Variants in LDAH observed in about 807,000 individuals in gnomAD.
LDAH encodes the protein lipid droplet-associated hydrolase.
In LDAH, 26 loss-of-function variants were observed where a neutral mutation model predicts 29.6. The ratio of observed to expected loss-of-function variants is 0.88; its 90% CI spans 0.64 to 1.22. The LOEUF is 1.22. Ranked by LOEUF, LDAH falls within the 50% of genes most tolerant of loss-of-function variation. The pLI is 0.00. For synonymous variants in LDAH, 117 were observed against 133.0 expected (o/e 0.88, Z 0.83); for missense variants, 344 against 387.3 (o/e 0.89, Z 0.94).
chr2:20,697,518 C>T (rs1347572478), intron 6 of LDAH, among the ~76,000 whole-genome samples: 3 of 152,190 alleles, frequency 2.0e-5, no homozygotes, highest in Admixed American at 6.5e-5. Flanking sequence ...TCATAGCTGG[C>T]ATACATTCTG....
chr2:20,818,084 A>G (rs1444497099), intron 1 of LDAH, among the ~76,000 whole-genome samples: 1 of 152,142 alleles, frequency 6.6e-6, no homozygotes, highest in African/African-American at 2.4e-5. Context: ...TACACACACA[A>G]ATGAGTCCTT....
intron 6 of LDAH, among the ~76,000 whole-genome samples, chr2:20,690,226 G>C (rs1270657410): frequency 1.3e-5 from 2 of 152,190 alleles, no homozygotes; most frequent in Non-Finnish European, 2.9e-5. Context: ...GGTATCAAGA[G>C]ACAAATATGT....
chr2:20,768,845 C>T (rs1317333988), intron 4 of LDAH, among the ~76,000 whole-genome samples: 1 of 152,218 alleles, frequency 6.6e-6, no homozygotes, highest in Non-Finnish European at 1.5e-5. Flanking sequence ...GACTAGTAAA[C>T]TTTCCTGTCA....
intron 5 of LDAH, among the ~76,000 whole-genome samples, chr2:20,738,504 T>C (rs1258740047): frequency 1.3e-5 from 2 of 152,066 alleles, no homozygotes; most frequent in African/African-American, 4.8e-5. Context: ...CACTGCAGAC[T>C]CACCCTGAAT....
At chr2:20,810,065 T>A (rs996320663) in intron 1 of LDAH, among the ~76,000 whole-genome samples, 7 of 152,358 alleles carry the variant, frequency 4.6e-5, no homozygotes, top group African/African-American at 1.7e-4. Flanking sequence ...ACTATGCTTA[T>A]GGATTCTGTG....
chr2:20,810,072 T>C (rs1672365878), intron 1 of LDAH, among the ~76,000 whole-genome samples: 1 of 152,254 alleles, frequency 6.6e-6, no homozygotes, highest in East Asian at 1.9e-4. Flanking sequence ...TTATGGATTC[T>C]GTGGGTCAGG....
rs181682926 is a variant in LDAH at position 20,750,246 on chromosome 2, G to A, written c.469-10041C>T. Among the ~76,000 whole-genome samples the A allele has an allele frequency of 1.1e-3, 166 of 152,110 alleles. 1 individual carries two copies. Among genetic ancestry groups the A allele is most frequent in the African/African-American group, 3.5e-3 (146 of 41,520 alleles). The stretch of plus-strand genomic sequence containing the variant: ...TCACCACATAGGCTAGGCTGGTTTC[G>A]AACTCCTGACCTCAGGTGATCCACC... On this transcript the variant is annotated intron_variant, in intron 4 of 6. Transcript: ENST00000237822.
intron 1 of LDAH, among the ~76,000 whole-genome samples, chr2:20,815,479 A>G (rs908426371): frequency 2.0e-5 from 3 of 152,174 alleles, no homozygotes; most frequent in African/African-American, 7.2e-5. Flanking sequence ...AAGATACATC[A>G]TAAGTCAAGT....
chr2:20,716,720 G>GTATCTATATATATATATATA (rs1665222713), intron 5 of LDAH, among the ~76,000 whole-genome samples: 1 of 131,294 alleles, frequency 7.6e-6, no homozygotes, highest in Non-Finnish European at 1.7e-5. Context: ...AGAACTTTAA[G>GTATCTATATATATATATATA]TATATATACA....
intron 2 of LDAH, among the ~76,000 whole-genome samples, chr2:20,794,647 C>T (rs1477880023): frequency 1.3e-5 from 2 of 152,110 alleles, no homozygotes; most frequent in East Asian, 1.9e-4. Flanking sequence ...AAAAACCATA[C>T]GATCCTCAAC....
intron 5 of LDAH, among the ~76,000 whole-genome samples, chr2:20,729,069 C>A (rs1666216577): frequency 6.6e-6 from 1 of 152,170 alleles, no homozygotes; most frequent in Non-Finnish European, 1.5e-5. Context: ...CTTCAAGCAA[C>A]AATGTAGTAT....
intron 4 of LDAH, among the ~76,000 whole-genome samples, chr2:20,751,786 C>T (rs763728615): frequency 1.5e-4 from 23 of 152,048 alleles, no homozygotes; most frequent in Non-Finnish European, 2.5e-4. Context: ...AAGAATCAGA[C>T]GAAATTGTAA....
chr2:20,695,454 CTT>C (rs558163112), intron 6 of LDAH, among the ~76,000 whole-genome samples: 17 of 124,644 alleles, frequency 1.4e-4, no homozygotes, highest in Admixed American at 2.3e-4. Context: ...GACACTCTTT[CTT>C]TTTTTTTTTT....
In LDAH at chr2:20,774,810, C is replaced by T. The variant is rs142736664; in HGVS notation, c.468G>A (p.Pro156=). The change falls in exon 4 of 7, where the codon CCG becomes CCA. Residue 156 remains proline, a splice_region_variant and synonymous_variant. Transcript: ENST00000237822. ...LQMLKRVPEL[P]VIRAFLLFPT... Reference sequence around the variant, plus strand: ...CAGTTACCTCTGGAGACCTACTTACCGGGAGCTCAGGGACTCGCTTCAGCA... The same window carrying T: ...CAGTTACCTCTGGAGACCTACTTACTGGGAGCTCAGGGACTCGCTTCAGCA... 80 of 1,612,414 alleles carry T rather than the reference C, an allele frequency of 5.0e-5. No individual in the cohort carries two copies. In the East Asian group the frequency reaches 5.6e-4, roughly 11 times the overall value.
At chr2:20,690,032 G>A (rs538472896) in intron 6 of LDAH, among the ~76,000 whole-genome samples, 12 of 152,348 alleles carry the variant, frequency 7.9e-5, no homozygotes, top group Admixed American at 6.5e-4. Flanking sequence ...TTCAAAGACT[G>A]TTTCCATGAA....
intron 1 of LDAH, among the ~76,000 whole-genome samples, chr2:20,808,521 G>A (rs566724915): frequency 1.0e-3 from 155 of 152,120 alleles, no homozygotes; most frequent in Non-Finnish European, 1.7e-3. Context: ...AAAATTAGCC[G>A]GGCGTGGTGG....
chr2:20,718,628 G>A (rs1305403736), intron 5 of LDAH, among the ~76,000 whole-genome samples: 1 of 152,048 alleles, frequency 6.6e-6, no homozygotes, highest in Non-Finnish European at 1.5e-5. Flanking sequence ...AATTAACAAA[G>A]AAACATTGCA....
At chr2:20,709,481 C>T (rs1664543823) in intron 5 of LDAH, among the ~76,000 whole-genome samples, 1 of 141,604 alleles carries the variant, frequency 7.1e-6, no homozygotes, top group Non-Finnish European at 1.6e-5. Flanking sequence ...ACTAGGATGG[C>T]TATAATAAAA....
intron 3 of LDAH, among the ~76,000 whole-genome samples, chr2:20,776,323 C>T (rs1162674955): frequency 6.6e-6 from 1 of 152,034 alleles, no homozygotes; most frequent in African/African-American, 2.4e-5. Flanking sequence ...TCTGAGAGAC[C>T]TTTTTATGAT....
Sources: gnomAD v4.1 joint callset for allele counts (sites outside exome capture counted in the v4.1 genomes callset) on GRCh38, gnomAD v4.1.1 for gene constraint, MANE v1.5 for transcripts, NCBI Gene and HGNC (gene_info 2026-07-23, HGNC 2026-07-21) for gene names.